DCDC1: variants seen among roughly 807,000 people sequenced by gnomAD.
The protein encoded by DCDC1 is doublecortin domain containing 1.
A neutral mutation model predicts 178.3 loss-of-function variants in DCDC1; 200 were observed. The observed-to-expected ratio is 1.12, with a 90% CI of 1.00 to 1.26. The LOEUF (loss-of-function observed/expected upper bound fraction) is 1.26. Ranked by LOEUF, DCDC1 falls within the 50% of genes most tolerant of loss-of-function variation. DCDC1 has a pLI of 0.00. For missense variants in DCDC1, 1,983 were observed against 1,749.2 expected (o/e 1.13, Z -2.38); for synonymous variants, 690 against 604.8 (o/e 1.14, Z -2.07).
intron 28 of DCDC1, among the ~76,000 whole-genome samples, chr11:30,909,643 T>C (rs1042605608): frequency 1.3e-5 from 2 of 152,104 alleles, no homozygotes; most frequent in Non-Finnish European, 2.9e-5. Context: ...GTGCCAATAA[T>C]ATACTAAATG....
intron 9 of DCDC1, among the ~76,000 whole-genome samples, chr11:31,213,116 T>C (rs1331461819): frequency 1.0e-4 from 8 of 76,856 alleles, no homozygotes; most frequent in African/African-American, 1.6e-4. Flanking sequence ...TCTCTCTCTC[T>C]CTCTCTCTCT....
chr11:31,134,940 G>A (rs1254910550), intron 10 of DCDC1, among the ~76,000 whole-genome samples: 3 of 152,164 alleles, frequency 2.0e-5, no homozygotes, highest in Non-Finnish European at 2.9e-5. Flanking sequence ...AGGCTGCAGT[G>A]AGCTATGATC....
At chr11:31,089,571 G>C (rs887532095) in intron 17 of DCDC1, among the ~76,000 whole-genome samples, 3 of 150,462 alleles carry the variant, frequency 2.0e-5, no homozygotes, top group African/African-American at 4.9e-5. Context: ...CTCAGAAATT[G>C]GGCCATATGA....
intron 8 of DCDC1, among the ~76,000 whole-genome samples, chr11:31,242,765 T>G (rs1396935531): frequency 2.6e-5 from 4 of 151,938 alleles, no homozygotes; most frequent in Admixed American, 1.3e-4. Context: ...GAGGCTGAGT[T>G]ATGCAAATAG....
chr11:31,083,592 C>A (rs1206463232), intron 17 of DCDC1, among the ~76,000 whole-genome samples: 1 of 152,156 alleles, frequency 6.6e-6, no homozygotes, highest in Non-Finnish European at 1.5e-5. Flanking sequence ...TGACAGAATT[C>A]AGATCCAGTG....
chr11:31,261,937 T>C (rs1276134814), intron 8 of DCDC1, among the ~76,000 whole-genome samples: 1 of 151,934 alleles, frequency 6.6e-6, no homozygotes, highest in Non-Finnish European at 1.5e-5. Flanking sequence ...ACTTCTTCCA[T>C]GTGGCCTCAC....
chr11:31,122,272 A>G (rs1486944063), intron 11 of DCDC1, among the ~76,000 whole-genome samples: 1 of 152,192 alleles, frequency 6.6e-6, no homozygotes, highest in Non-Finnish European at 1.5e-5. Context: ...ATATAAGTAT[A>G]GAGAAAAGTT....
At chr11:30,928,882 AT>A (rs1946755995) in intron 22 of DCDC1, among the ~76,000 whole-genome samples, 1 of 151,746 alleles carries the variant, frequency 6.6e-6, no homozygotes, top group South Asian at 2.1e-4. Context: ...TTTACCTGTA[AT>A]TTTTTATTCA....
At chr11:31,010,076 G>A (rs925978648) in intron 20 of DCDC1, among the ~76,000 whole-genome samples, 3 of 152,216 alleles carry the variant, frequency 2.0e-5, no homozygotes, top group African/African-American at 7.2e-5. Context: ...GAGGGACACA[G>A]CCAACCCATA....
chr11:31,124,993 A>T (rs1225219854), intron 11 of DCDC1, among the ~76,000 whole-genome samples: 1 of 152,138 alleles, frequency 6.6e-6, no homozygotes, highest in East Asian at 1.9e-4. Flanking sequence ...CAAACAGACA[A>T]CCTACAGAAT....
intron 1 of DCDC1, among the ~76,000 whole-genome samples, chr11:31,367,546 G>T (rs905219053): frequency 6.6e-6 from 1 of 152,212 alleles, no homozygotes; most frequent in African/African-American, 2.4e-5. Context: ...TAACTTGAAT[G>T]CTAGGTTAAG....
At chr11:31,244,990 C>T (rs1359346625) in intron 8 of DCDC1, among the ~76,000 whole-genome samples, 2 of 151,610 alleles carry the variant, frequency 1.3e-5, no homozygotes, top group African/African-American at 4.8e-5. Context: ...AAACTAGTAG[C>T]TATATTCATT....
chr11:31,285,969 T>C (rs1466080497), intron 7 of DCDC1, among the ~76,000 whole-genome samples: 1 of 152,150 alleles, frequency 6.6e-6, no homozygotes, highest in Non-Finnish European at 1.5e-5. Flanking sequence ...CAACCTCTTT[T>C]ATTCTGTCTC....
chr11:30,922,993 G>A (rs1169207613), intron 23 of DCDC1, among the ~76,000 whole-genome samples: 1 of 151,290 alleles, frequency 6.6e-6, no homozygotes, highest in Non-Finnish European at 1.5e-5. Context: ...AGTGAGGGAG[G>A]GAAGGAGGTG....
chr11:31,367,956 G>A (rs1952049495), intron 1 of DCDC1, among the ~76,000 whole-genome samples: 1 of 152,062 alleles, frequency 6.6e-6, no homozygotes, highest in Non-Finnish European at 1.5e-5. Flanking sequence ...TGAAGAAATG[G>A]GACTGCTATA....
chr11:31,096,125 T>A (rs1274100067), intron 15 of DCDC1, among the ~76,000 whole-genome samples: 1 of 152,222 alleles, frequency 6.6e-6, no homozygotes, highest in Non-Finnish European at 1.5e-5. Context: ...GTAATTATTC[T>A]GTAATGAAAG....
chr11:31,292,996 C>T (rs2137424060), intron 6 of DCDC1, among the ~76,000 whole-genome samples: 1 of 152,224 alleles, frequency 6.6e-6, no homozygotes, highest in East Asian at 1.9e-4. Flanking sequence ...AACCCTAGCT[C>T]TGTTTCTTAG....
chr11:30,961,797 G>A (rs1256575981), intron 20 of DCDC1, among the ~76,000 whole-genome samples: 1 of 151,942 alleles, frequency 6.6e-6, no homozygotes, highest in Non-Finnish European at 1.5e-5. Flanking sequence ...AAAAGTAATA[G>A]TAATAATGAC....
intron 20 of DCDC1, among the ~76,000 whole-genome samples, chr11:31,062,935 A>T (rs1183112171): frequency 1.5e-5 from 2 of 133,078 alleles, no homozygotes; most frequent in African/African-American, 2.7e-5. Flanking sequence ...TCCTAATGTT[A>T]TCCCTCCCCC....
Sources: gnomAD v4.1 joint callset for allele counts (sites outside exome capture counted in the v4.1 genomes callset) on GRCh38, gnomAD v4.1.1 for gene constraint, MANE v1.5 for transcripts, NCBI Gene and HGNC (gene_info 2026-07-23, HGNC 2026-07-21) for gene names.